SMCHD1: variants seen among roughly 807,000 people sequenced by gnomAD.
The protein encoded by SMCHD1 is structural maintenance of chromosomes flexible hinge domain-containing protein 1.
A neutral mutation model predicts 254.7 loss-of-function variants in SMCHD1; 78 were observed. The observed-to-expected ratio is 0.31, with a 90% CI of 0.26 to 0.37. SMCHD1 has a LOEUF of 0.37. SMCHD1 is among the 10% of genes least tolerant of loss of function. The pLI is 1.00. For missense variants in SMCHD1, 1,840 were observed against 2,408.1 expected (o/e 0.76, Z 4.94); for synonymous variants, 766 against 794.9 (o/e 0.96, Z 0.61).
chr18:2,798,289 AGGCATGTGAATGATGTGTTCATG>A (rs2076297447), intron 47 of SMCHD1, among the ~76,000 whole-genome samples: 1 of 152,244 alleles, frequency 6.6e-6, no homozygotes, highest in Non-Finnish European at 1.5e-5. Flanking sequence ...TCACACATGT[AGGCATGTGAATGATGTGTTCATG>A]GGCATGAGGT....
At chr18:2,745,391 G>C (rs982443508) in intron 29 of SMCHD1, among the ~76,000 whole-genome samples, 8 of 152,182 alleles carry the variant, frequency 5.3e-5, no homozygotes, top group Admixed American at 3.3e-4. Flanking sequence ...AAAGGGGCAG[G>C]TCATCTAAGA....
At chr18:2,774,121 T>C (rs757873059) in intron 41 of SMCHD1, among the ~76,000 whole-genome samples, 1 of 151,624 alleles carries the variant, frequency 6.6e-6, no homozygotes. Context: ...AGTAGCAGTT[T>C]TAAGATTTTT....
At position 2,697,042 on chromosome 18, in the gene SMCHD1, C is replaced by T; in HGVS notation, c.1051C>T (p.His351Tyr). 7.1e-7 allele frequency: 1 copy of T among 1,413,836 alleles called. No homozygotes were observed. Among genetic ancestry groups the T allele is most frequent in the Non-Finnish European group, 9.5e-7 (1 of 1,053,842 alleles). 87.6% of individuals were successfully genotyped at this position (1,413,836 alleles called of 1,614,324 possible). Reference sequence around the variant, plus strand: ...TCTTCTCTATTTTAGGCATATTTATCACTACTATATTCATGGCCCAAAAGG... The same window carrying T: ...TCTTCTCTATTTTAGGCATATTTATTACTACTATATTCATGGCCCAAAAGG... ...LWTRQLAHIY[H>Y]YYIHGPKGNE... Residue 351 changes from histidine (H) to tyrosine (Y), a missense_variant, in exon 9 of 48, where the codon CAC becomes TAC. By Grantham distance (83) the His-to-Tyr change is moderately conservative. This residue lies in a region of SMCHD1 where 498 missense variants were observed against 743.5 expected (regional missense o/e 0.67). Coordinates refer to ENST00000320876, the MANE Select transcript of SMCHD1 (RefSeq NM_015295.3).
chr18:2,684,663 TC>T (rs1461787008), intron 5 of SMCHD1, among the ~76,000 whole-genome samples: 1 of 151,622 alleles, frequency 6.6e-6, no homozygotes, highest in Non-Finnish European at 1.5e-5. Flanking sequence ...TATTTTTTGT[TC>T]CCATTTTCTT....
chr18:2,756,336 A>C (rs901789204), intron 34 of SMCHD1, among the ~76,000 whole-genome samples: 3 of 152,138 alleles, frequency 2.0e-5, no homozygotes, highest in Non-Finnish European at 4.4e-5. Context: ...TTTCTTACAC[A>C]TTCTTAGTTT....
intron 17 of SMCHD1, among the ~76,000 whole-genome samples, chr18:2,708,444 T>C (rs1476060059): frequency 1.3e-5 from 2 of 151,902 alleles, no homozygotes; most frequent in African/African-American, 4.8e-5. Flanking sequence ...GGCAGGAAAA[T>C]TGCTTGAGCC....
chr18:2,698,463 T>C (rs956490546), intron 10 of SMCHD1, among the ~76,000 whole-genome samples: 1 of 152,192 alleles, frequency 6.6e-6, no homozygotes, highest in African/African-American at 2.4e-5. Flanking sequence ...TTTTTTGTTT[T>C]TGTTGTCATT....
chr18:2,669,523 C>T (rs1377023358), intron 3 of SMCHD1, among the ~76,000 whole-genome samples: 2 of 151,824 alleles, frequency 1.3e-5, no homozygotes, highest in Admixed American at 1.3e-4. Context: ...TTCTTCTCTC[C>T]CCACCTTATT....
At position 2,655,982 on chromosome 18, in the gene SMCHD1, C is replaced by A; in HGVS notation, c.-94C>A. ...GCCGGGCCGAGGCCTCGAGCCGCCC[C>A]GGGAGCTGGAGCTGAAGGCGCCGCG... On this transcript the variant is annotated 5_prime_UTR_variant, in exon 1 of 48. Transcript: ENST00000320876. 9.2e-7 allele frequency: 1 copy of A among 1,091,646 alleles called. No individual in the cohort carries two copies. The highest frequency in any genetic ancestry group is 1.2e-6 in the Non-Finnish European group (1 of 858,686). The allele number at this position is 1,091,646 out of a possible 1,614,324, so 67.6% of individuals were successfully genotyped here. A position where few individuals can be genotyped will look rare whatever the true frequency, so the allele number is the denominator to read the frequency against.
intron 37 of SMCHD1, among the ~76,000 whole-genome samples, chr18:2,767,584 CTTTT>C (rs397858216): frequency 1.0e-4 from 9 of 89,248 alleles, no homozygotes; most frequent in Admixed American, 6.4e-4. Flanking sequence ...AACCTATTTC[CTTTT>C]TTTTTTTTTT....
intron 23 of SMCHD1, 42 bp downstream of exon 23, chr18:2,728,638 T>A (rs371407258): frequency 7.6e-6 from 12 of 1,587,364 alleles, no homozygotes; most frequent in Non-Finnish European, 9.4e-6. Flanking sequence ...CCCATTGTAG[T>A]AAGTGGCAAT....
chr18:2,680,697 C>T (rs1368784896), intron 5 of SMCHD1, among the ~76,000 whole-genome samples: 1 of 152,186 alleles, frequency 6.6e-6, no homozygotes, highest in Non-Finnish European at 1.5e-5. Context: ...TATGTTGAAG[C>T]TTTTACAAAA....
intron 47 of SMCHD1, among the ~76,000 whole-genome samples, chr18:2,800,233 G>T (rs1337170697): frequency 6.6e-6 from 1 of 151,920 alleles, no homozygotes; most frequent in Non-Finnish European, 1.5e-5. Context: ...AAATAAAAAG[G>T]ACGGAACAGA....
At position 2,745,277 on chromosome 18, in the gene SMCHD1, G is replaced by A. The variant is rs181512131; in HGVS notation, c.3801+1349G>A. ...CAGGCAATTCTTCTGCCTCATTCTCGCAAAGTTCTGGGATTACAGGTGTGA... is the reference window on the plus strand; with the variant it reads ...CAGGCAATTCTTCTGCCTCATTCTCACAAAGTTCTGGGATTACAGGTGTGA... On this transcript the variant is annotated intron_variant, in intron 29 of 47. Coordinates refer to ENST00000320876, the MANE Select transcript of SMCHD1 (RefSeq NM_015295.3). 7.2e-5 allele frequency among the ~76,000 whole-genome samples: 11 copies of A among 152,230 alleles called. No homozygotes were observed. The South Asian group carries it at 2.1e-3, about 29-fold the overall frequency.
chr18:2,784,765 C>G, intron 45 of SMCHD1, 144 bp downstream of exon 45: 1 of 914,104 alleles, frequency 1.1e-6, no homozygotes, highest in Non-Finnish European at 1.7e-6. Context: ...TTGTCTACTA[C>G]TTTCAGCTTT....
Position 2,748,386 on chromosome 18 carries a change from A to T in SMCHD1, c.3927+739A>T, listed in dbSNP as rs75600230. On this transcript the variant is annotated intron_variant, in intron 30 of 47. Transcript: ENST00000320876. ...TGTGTGTGTGTGTGTGTGTGTGTATATAAATTTTTTTTTTTTTTTTTTTGG... is the reference window on the plus strand; with the variant it reads ...TGTGTGTGTGTGTGTGTGTGTGTATTTAAATTTTTTTTTTTTTTTTTTTGG... 9.2e-5 allele frequency among the ~76,000 whole-genome samples: 5 copies of T among 54,288 alleles called. 1 individual carries two copies. Among genetic ancestry groups the T allele is most frequent in the Admixed American group, 1.9e-4 (1 of 5,324 alleles). 35.6% of individuals were successfully genotyped at this position (54,288 alleles called of 152,430 possible).
chr18:2,733,666 T>C (rs769337808), intron 25 of SMCHD1, among the ~76,000 whole-genome samples: 8 of 152,208 alleles, frequency 5.3e-5, no homozygotes, highest in African/African-American at 1.2e-4. Context: ...AAAGTAAAAT[T>C]TGCCTTATGC....
chr18:2,708,905 T>A lies in SMCHD1; in HGVS notation c.2260+985T>A, dbSNP rs1173739803. On this transcript the variant is annotated intron_variant, in intron 17 of 47. Coordinates refer to ENST00000320876, the MANE Select transcript of SMCHD1 (RefSeq NM_015295.3). ...ATATATATATATATATATATATATATATAACATATTAACATGAAATTTATG... is the reference window on the plus strand; with the variant it reads ...ATATATATATATATATATATATATAAATAACATATTAACATGAAATTTATG... 7.4e-3 allele frequency among the ~76,000 whole-genome samples: 294 copies of A among 39,772 alleles called. 32 individuals are homozygous for A. The highest frequency in any genetic ancestry group is 0.025 in the African/African-American group (252 of 10,248). 26.1% of individuals were successfully genotyped at this position (39,772 alleles called of 152,430 possible).
chr18:2,688,505 C>A lies in SMCHD1; in HGVS notation c.750C>A (p.Ala250=). The change falls in exon 6 of 48, where the codon GCC becomes GCA. Residue 250 remains alanine, a synonymous_variant. Coordinates refer to ENST00000320876, the MANE Select transcript of SMCHD1 (RefSeq NM_015295.3). ...CTGTCTTCTTTGTTGGACAATCAGC[C>A]AGAGTAAGTAAAAAGATTTCTTATA... ...KQAVFFVGQS[A]RMISKPADSQ... 1.2e-6 allele frequency: 2 copies of A among 1,610,368 alleles called. No homozygotes were observed. Among genetic ancestry groups the A allele is most frequent in the Non-Finnish European group, 1.7e-6 (2 of 1,176,992 alleles).
Sources: allele counts gnomAD v4.1 joint callset (sites outside exome capture counted in the v4.1 genomes callset), GRCh38; gene constraint gnomAD v4.1.1; regional missense constraint gnomAD v4.1.1; transcripts MANE v1.5; gene names NCBI Gene and HGNC (gene_info 2026-07-23, HGNC 2026-07-21).